ACBD6: variants seen among roughly 807,000 people sequenced by gnomAD.
ACBD6 encodes acyl-CoA binding domain containing 6, also known as acyl-CoA-binding domain-containing protein 6.
In ACBD6, 28 loss-of-function variants were observed where a neutral mutation model predicts 37.2. The observed-to-expected ratio is 0.75, with a 90% CI of 0.56 to 1.03. ACBD6 has a LOEUF of 1.03. Among genes scored for constraint, ACBD6 ranks in the 50% least tolerant of loss-of-function variants. The pLI is 0.00. For missense variants in ACBD6, 340 were observed against 337.4 expected (o/e 1.01, Z -0.06); for synonymous variants, 113 against 126.8 (o/e 0.89, Z 0.73).
chr1:180,282,071 C>G (rs535423792), intron 8 of ACBD6, among the ~76,000 whole-genome samples: 1 of 152,238 alleles, frequency 6.6e-6, no homozygotes, highest in Non-Finnish European at 1.5e-5. Flanking sequence ...CTTTAGCCAT[C>G]TCCAAAAACA....
intron 3 of ACBD6, chr1:180,436,018 A>G (rs1021312731): frequency 9.2e-6 from 7 of 756,928 alleles, no homozygotes; most frequent in Admixed American, 2.2e-5. Flanking sequence ...GTATCGTTTA[A>G]TGTTGTACGT....
intron 4 of ACBD6, among the ~76,000 whole-genome samples, chr1:180,415,969 T>C (rs544908880): frequency 2.0e-5 from 3 of 152,308 alleles, no homozygotes; most frequent in South Asian, 4.1e-4. Flanking sequence ...TCACCAAATA[T>C]GCTAGGCACA....
intron 3 of ACBD6, among the ~76,000 whole-genome samples, chr1:180,457,824 C>T (rs1264327670): frequency 1.3e-5 from 2 of 148,538 alleles, no homozygotes; most frequent in African/African-American, 5.0e-5. Context: ...CGGAGTTTCG[C>T]TCTTGTCGCC....
intron 1 of ACBD6, 85 bp from the exon 2 acceptor site, chr1:180,495,610 C>T: frequency 4.8e-6 from 5 of 1,050,000 alleles, no homozygotes; most frequent in Non-Finnish European, 5.8e-6. Context: ...TATGTATATT[C>T]AGTAACCATA....
intron 3 of ACBD6, among the ~76,000 whole-genome samples, chr1:180,482,159 T>C (rs1443506791): frequency 6.6e-6 from 1 of 152,164 alleles, no homozygotes; most frequent in African/African-American, 2.4e-5. Flanking sequence ...ATTATAAAAA[T>C]TATGACTGCC....
intron 6 of ACBD6, among the ~76,000 whole-genome samples, chr1:180,363,387 G>T (rs1652919629): frequency 6.6e-6 from 1 of 152,148 alleles, no homozygotes; most frequent in African/African-American, 2.4e-5. Context: ...AAGTGAAAAT[G>T]AAATAAAAGT....
chr1:180,335,653 A>C (rs2149303021), intron 6 of ACBD6, among the ~76,000 whole-genome samples: 1 of 151,058 alleles, frequency 6.6e-6, no homozygotes, highest in African/African-American at 2.4e-5. Flanking sequence ...TCAAATTCAC[A>C]CATAACAATA....
intron 6 of ACBD6, among the ~76,000 whole-genome samples, chr1:180,380,008 T>C (rs145343631): frequency 3.3e-5 from 5 of 152,276 alleles, no homozygotes; most frequent in Admixed American, 6.5e-5. Context: ...ATGCCTACAA[T>C]TCCAGCACTT....
chr1:180,463,320 C>G (rs1454247060), intron 3 of ACBD6, among the ~76,000 whole-genome samples: 1 of 151,524 alleles, frequency 6.6e-6, no homozygotes, highest in Admixed American at 6.6e-5. Flanking sequence ...AGACTGCTAG[C>G]TAGAATAAAA....
At chr1:180,400,816 A>C (rs1291241396) in intron 5 of ACBD6, among the ~76,000 whole-genome samples, 2 of 152,184 alleles carry the variant, frequency 1.3e-5, no homozygotes, top group African/African-American at 4.8e-5. Flanking sequence ...GTTAACCACA[A>C]ACACACCTAG....
chr1:180,322,599 C>T (rs1199425846), intron 6 of ACBD6, among the ~76,000 whole-genome samples: 1 of 151,920 alleles, frequency 6.6e-6, no homozygotes, highest in East Asian at 1.9e-4. Context: ...TATGTGTCTA[C>T]AAATTTCCCC....
downstream of ACBD6, chr1:180,287,381 G>T (rs1398865952): frequency 2.1e-5 from 3 of 142,606 alleles, no homozygotes; most frequent in African/African-American, 5.3e-5. Flanking sequence ...CTGCACTTCA[G>T]CCTGGGTGAC....
At chr1:180,347,360 G>GT (rs775301259) in intron 6 of ACBD6, among the ~76,000 whole-genome samples, 3,006 of 49,014 alleles carry the variant, frequency 0.061, 204 homozygotes, top group African/African-American at 0.14. Flanking sequence ...TCAACAGAAA[G>GT]TTTTTTTTTT....
intron 4 of ACBD6, among the ~76,000 whole-genome samples, chr1:180,415,804 A>G (rs890394787): frequency 3.9e-5 from 6 of 152,208 alleles, no homozygotes; most frequent in Admixed American, 1.3e-4. Context: ...AAGTAAACAC[A>G]GTACAAACAC....
intron 4 of ACBD6, among the ~76,000 whole-genome samples, chr1:180,421,443 T>C (rs941546969): frequency 6.6e-6 from 1 of 152,226 alleles, no homozygotes; most frequent in Non-Finnish European, 1.5e-5. Context: ...CTATTGTGAA[T>C]AGTGCTGTGA....
intron 6 of ACBD6, among the ~76,000 whole-genome samples, chr1:180,379,664 C>A (rs72714834): frequency 0.16 from 24,014 of 151,926 alleles, 1,960 homozygotes; most frequent in Middle Eastern, 0.23. Flanking sequence ...GAAAAAAAAT[C>A]TCAGAACTTG....
chr1:180,309,821 T>C, intron 7 of ACBD6, among the ~76,000 whole-genome samples: 1 of 152,206 alleles, frequency 6.6e-6, no homozygotes, highest in Non-Finnish European at 1.5e-5. Flanking sequence ...TTATCCCAGA[T>C]TGCCATCATA....
chr1:180,323,206 G>C (rs1248305102), intron 6 of ACBD6, among the ~76,000 whole-genome samples: 1 of 151,926 alleles, frequency 6.6e-6, no homozygotes, highest in Non-Finnish European at 1.5e-5. Flanking sequence ...GATGAATATT[G>C]ATTCAGAAAT....
intron 7 of ACBD6, among the ~76,000 whole-genome samples, chr1:180,295,666 T>G (rs961350344): frequency 6.6e-6 from 1 of 152,222 alleles, no homozygotes; most frequent in African/African-American, 2.4e-5. Context: ...TTGTTATTTC[T>G]GTTGTGAGGA....
Sources: gnomAD v4.1 joint callset for allele counts (sites outside exome capture counted in the v4.1 genomes callset) on GRCh38, gnomAD v4.1.1 for gene constraint, MANE v1.5 for transcripts, NCBI Gene and HGNC (gene_info 2026-07-23, HGNC 2026-07-21) for gene names.